Variants in SMIM35 observed in about 807,000 individuals in gnomAD.
SMIM35 encodes small integral membrane protein 35, also known as TMPRSS4 antisense RNA 1 (non-protein coding).
intron 1 of SMIM35, among the ~76,000 whole-genome samples, chr11:118,052,088 C>T (rs189472118): frequency 5.3e-5 from 8 of 152,168 alleles, no homozygotes; most frequent in East Asian, 3.9e-4. Flanking sequence ...TTGTTTAAAG[C>T]GGGAATAAGA....
At chr11:118,038,700 CAA>C (rs59464765) in intron 1 of SMIM35, among the ~76,000 whole-genome samples, 1 of 134,612 alleles carries the variant, frequency 7.4e-6, no homozygotes. Flanking sequence ...AGCAAAAAAA[CAA>C]AAAAAAAAAC....
intron 1 of SMIM35, among the ~76,000 whole-genome samples, chr11:118,019,963 T>C (rs1315183017): frequency 2.0e-5 from 3 of 152,212 alleles, no homozygotes; most frequent in African/African-American, 7.2e-5. Flanking sequence ...TTAATTACTA[T>C]GGTCTCATAA....
chr11:118,014,915 C>T (rs917837268), intron 2 of SMIM35, among the ~76,000 whole-genome samples, 174 bp from the exon 3 acceptor site: 3 of 152,148 alleles, frequency 2.0e-5, no homozygotes, highest in African/African-American at 7.2e-5. Flanking sequence ...CATTAACGGT[C>T]CTGATTATCC....
chr11:118,048,208 T>A (rs909942090), intron 1 of SMIM35, among the ~76,000 whole-genome samples: 1 of 152,220 alleles, frequency 6.6e-6, no homozygotes, highest in Non-Finnish European at 1.5e-5. Context: ...GTAATTAATT[T>A]AAAAAAGTGA....
chr11:118,010,446 T>G (rs897262841), intron 4 of SMIM35, among the ~76,000 whole-genome samples: 2 of 152,310 alleles, frequency 1.3e-5, no homozygotes, highest in African/African-American at 4.8e-5. Flanking sequence ...GTGGCTACAT[T>G]GGGTGTCTCT....
chr11:118,034,752 G>A (rs1323731705), intron 1 of SMIM35, among the ~76,000 whole-genome samples: 1 of 152,156 alleles, frequency 6.6e-6, no homozygotes, highest in Admixed American at 6.5e-5. Context: ...GTGAAAGTAG[G>A]AGGGAAATGG....
chr11:118,079,169 C>T (rs770556302), intron 1 of SMIM35, among the ~76,000 whole-genome samples: 13 of 152,192 alleles, frequency 8.5e-5, no homozygotes, highest in East Asian at 1.9e-4. Context: ...TTTCTAGCCC[C>T]GGAGCTAGCC....
chr11:118,056,943 G>A (rs1213631378), intron 1 of SMIM35, among the ~76,000 whole-genome samples: 1 of 152,164 alleles, frequency 6.6e-6, no homozygotes, highest in Non-Finnish European at 1.5e-5. Flanking sequence ...AGGAGGTGGT[G>A]AAGAAAGGAG....
intron 4 of SMIM35, among the ~76,000 whole-genome samples, chr11:118,006,840 G>A (rs985787769): frequency 6.6e-6 from 1 of 152,112 alleles, no homozygotes. Flanking sequence ...TACAACTCTT[G>A]GGTGTTGTAG....
chr11:118,035,947 G>A (rs1025555600), intron 1 of SMIM35, among the ~76,000 whole-genome samples: 1 of 152,194 alleles, frequency 6.6e-6, no homozygotes, highest in African/African-American at 2.4e-5. Context: ...GAGTGCAGTG[G>A]CACAGTCTCG....
intron 1 of SMIM35, among the ~76,000 whole-genome samples, chr11:118,061,402 T>G (rs895795260): frequency 7.9e-5 from 12 of 152,354 alleles, no homozygotes; most frequent in Admixed American, 1.3e-4. Flanking sequence ...AAGTGGCATT[T>G]CTAGCTACTT....
At chr11:118,009,976 C>A (rs2058142148) in intron 4 of SMIM35, among the ~76,000 whole-genome samples, 1 of 152,214 alleles carries the variant, frequency 6.6e-6, no homozygotes, top group South Asian at 2.1e-4. Context: ...CTGCTCAGCT[C>A]TGGTGCAGCC....
At chr11:118,079,683 C>G (rs1944979560) in intron 1 of SMIM35, among the ~76,000 whole-genome samples, 1 of 152,210 alleles carries the variant, frequency 6.6e-6, no homozygotes, top group African/African-American at 2.4e-5. Flanking sequence ...GGTCCTCCCT[C>G]CCACCTCCTG....
chr11:118,038,655 TCTC>T (rs907697041), intron 1 of SMIM35, among the ~76,000 whole-genome samples: 1 of 151,414 alleles, frequency 6.6e-6, no homozygotes, highest in African/African-American at 2.4e-5. Context: ...CATGGACCCT[TCTC>T]CTGGGGCATT....
At chr11:118,007,934 A>G (rs2058130229) in intron 4 of SMIM35, among the ~76,000 whole-genome samples, 1 of 151,402 alleles carries the variant, frequency 6.6e-6, no homozygotes, top group Admixed American at 6.6e-5. Flanking sequence ...CAGTGGCACA[A>G]TCTCAGCTCT....
Position 118,025,119 on chromosome 11 carries a change from G to A in SMIM35, c.8-9310C>T, listed in dbSNP as rs1209584203. 3.3e-5 allele frequency among the ~76,000 whole-genome samples: 5 copies of A among 152,170 alleles called. No individual in the cohort carries two copies. The East Asian group carries it at 9.6e-4, about 29-fold the overall frequency. The stretch of plus-strand genomic sequence containing the variant: ...AGATTTTGTTCTTTCTTATGGCTGT[G>A]TAGTATTTCATGGTGTATATGTACC... On this transcript the variant is annotated intron_variant, in intron 1 of 4. Coordinates refer to ENST00000689828, the MANE Select transcript of SMIM35 (RefSeq NM_001394165.1).
rs145615878 is a variant in SMIM35, at chr11:118,057,831, G to A, written c.7+28920C>T. 5.2e-3 allele frequency among the ~76,000 whole-genome samples: 790 copies of A among 152,338 alleles called. 7 individuals are homozygous for A. Among genetic ancestry groups the A allele is most frequent in the African/African-American group, 0.017 (691 of 41,568 alleles). On this transcript the variant is annotated intron_variant, in intron 1 of 4. Coordinates refer to ENST00000689828, the MANE Select transcript of SMIM35 (RefSeq NM_001394165.1). ...CAGACAGCAGGCGGAATGCAGGCAC[G>A]AGGGTGGAAAGGCTGGAAGGATGGC...
chr11:118,066,330 T>G (rs182312469), intron 1 of SMIM35, among the ~76,000 whole-genome samples: 242 of 152,216 alleles, frequency 1.6e-3, no homozygotes, highest in African/African-American at 5.6e-3. Flanking sequence ...TACCCTGGGT[T>G]TGGGATCTCA....
intron 1 of SMIM35, among the ~76,000 whole-genome samples, chr11:118,085,103 C>G (rs1237065890): frequency 1.3e-5 from 2 of 152,190 alleles, no homozygotes; most frequent in East Asian, 3.9e-4. Flanking sequence ...AATCTTTCTC[C>G]CCATCATCTT....
Sources: gnomAD v4.1 joint callset for allele counts (sites outside exome capture counted in the v4.1 genomes callset) on GRCh38, gnomAD v4.1.1 for gene constraint, MANE v1.5 for transcripts, NCBI Gene and HGNC (gene_info 2026-07-23, HGNC 2026-07-21) for gene names.